The following NGEF variants were observed in gnomAD, a reference collection of about 807,000 sequenced individuals.
The protein encoded by NGEF is neuronal guanine nucleotide exchange factor, also known as ephexin-1.
A neutral mutation model predicts 80.9 loss-of-function variants in NGEF; 31 were observed. The ratio of observed to expected loss-of-function variants is 0.38; its 90% CI spans 0.29 to 0.52. NGEF has a LOEUF of 0.52. Among genes scored for constraint, NGEF ranks in the 20% least tolerant of loss-of-function variants. The pLI is 0.84. For missense variants in NGEF, 709 were observed against 926.2 expected (o/e 0.77, Z 3.04); for synonymous variants, 371 against 370.2 (o/e 1.00, Z -0.03).
chr2:233,001,884 G>T (rs1021911423), intron 1 of NGEF, among the ~76,000 whole-genome samples: 9 of 152,098 alleles, frequency 5.9e-5, no homozygotes, highest in Non-Finnish European at 1.5e-5. Context: ...TTGTGGTGGC[G>T]TGCACCTGTA....
chr2:232,943,631 G>A (rs999283394), intron 3 of NGEF, among the ~76,000 whole-genome samples: 10 of 151,186 alleles, frequency 6.6e-5, no homozygotes, highest in Non-Finnish European at 1.0e-4. Context: ...GAGTAGCTGG[G>A]ACTACAGGCG....
chr2:232,968,995 C>T (rs116717495), intron 3 of NGEF, among the ~76,000 whole-genome samples: 1,670 of 152,258 alleles, frequency 0.011, 34 homozygotes, highest in African/African-American at 0.038. Flanking sequence ...GTGAAGGAGC[C>T]GCGGTCACGA....
chr2:232,960,614 C>T (rs934855212), intron 3 of NGEF, among the ~76,000 whole-genome samples: 7 of 152,196 alleles, frequency 4.6e-5, no homozygotes, highest in Non-Finnish European at 7.3e-5. Flanking sequence ...AGCGGTGGCT[C>T]ATGCCTGTAA....
chr2:232,957,588 G>C (rs1003510883), intron 3 of NGEF, among the ~76,000 whole-genome samples: 1 of 152,202 alleles, frequency 6.6e-6, no homozygotes, highest in African/African-American at 2.4e-5. Context: ...CTCCCAAAGT[G>C]CTGGGATTAC....
chr2:232,886,166 T>C (rs13004071), intron 9 of NGEF, among the ~76,000 whole-genome samples: 1 of 74,792 alleles, frequency 1.3e-5, no homozygotes, highest in East Asian at 4.0e-4. Context: ...CGGTGTGTAC[T>C]GTGTGTGATA....
chr2:232,971,299 C>T (rs1214947891), intron 2 of NGEF, among the ~76,000 whole-genome samples: 7 of 152,118 alleles, frequency 4.6e-5, no homozygotes, highest in Admixed American at 1.3e-4. Context: ...AGGTCAAGCA[C>T]GACATTTTCT....
intron 5 of NGEF, among the ~76,000 whole-genome samples, chr2:232,904,025 G>A (rs1692430453): frequency 6.6e-6 from 1 of 152,124 alleles, no homozygotes; most frequent in African/African-American, 2.4e-5. Context: ...AAAAATTACA[G>A]TCCAGGCAAC....
chr2:232,942,837 C>T (rs993497672), intron 3 of NGEF, among the ~76,000 whole-genome samples: 6 of 148,438 alleles, frequency 4.0e-5, no homozygotes, highest in Admixed American at 3.4e-4. Context: ...GATGAGTGTA[C>T]CTTGAGCTCA....
chr2:232,967,078 G>C (rs1694075414), intron 3 of NGEF, among the ~76,000 whole-genome samples: 1 of 152,136 alleles, frequency 6.6e-6, no homozygotes, highest in Non-Finnish European at 1.5e-5. Context: ...GGTGGGAGGT[G>C]TTTGGATCAT....
intron 7 of NGEF, 76 bp from the exon 8 acceptor site, chr2:232,891,563 A>C: frequency 6.7e-7 from 1 of 1,495,332 alleles, no homozygotes; most frequent in South Asian, 1.3e-5. Flanking sequence ...CCCCATCCAC[A>C]GCCTCCCAGG....
intron 3 of NGEF, among the ~76,000 whole-genome samples, chr2:232,940,333 C>G (rs1693411580): frequency 6.6e-6 from 1 of 152,190 alleles, no homozygotes; most frequent in Non-Finnish European, 1.5e-5. Context: ...AATGAACAGC[C>G]AGTGGTCGCC....
intron 3 of NGEF, among the ~76,000 whole-genome samples, chr2:232,950,949 A>G (rs566333914): frequency 2.6e-5 from 4 of 152,356 alleles, no homozygotes; most frequent in East Asian, 1.9e-4. Flanking sequence ...TATTTATTCA[A>G]TGCGTGGCTA....
intron 1 of NGEF, among the ~76,000 whole-genome samples, chr2:232,976,833 C>G (rs1212484571): frequency 1.3e-5 from 2 of 152,220 alleles, no homozygotes; most frequent in East Asian, 3.9e-4. Flanking sequence ...CAATACCTGA[C>G]CCTTCTGGTC....
chr2:233,010,714 T>C (rs1695184883), intron 1 of NGEF, among the ~76,000 whole-genome samples: 1 of 152,070 alleles, frequency 6.6e-6, no homozygotes, highest in African/African-American at 2.4e-5. Context: ...CTCCAGCAAA[T>C]GGCCCCTCCT....
At chr2:232,947,430 A>C (rs1693582294) in intron 3 of NGEF, among the ~76,000 whole-genome samples, 1 of 152,142 alleles carries the variant, frequency 6.6e-6, no homozygotes, top group Admixed American at 6.5e-5. Context: ...TGAGGGAGGG[A>C]CCTGCAAACT....
chr2:232,966,868 C>T (rs751452941), intron 3 of NGEF, among the ~76,000 whole-genome samples: 26 of 151,902 alleles, frequency 1.7e-4, no homozygotes, highest in East Asian at 3.9e-4. Flanking sequence ...GGGGGGGAGG[C>T]GGGTGAGGAG....
intron 5 of NGEF, among the ~76,000 whole-genome samples, chr2:232,913,707 T>C (rs1381475465): frequency 6.6e-6 from 1 of 152,054 alleles, no homozygotes; most frequent in Non-Finnish European, 1.5e-5. Context: ...GATCACGAGA[T>C]CAGGAGATTG....
intron 5 of NGEF, among the ~76,000 whole-genome samples, chr2:232,905,442 C>T (rs545710628): frequency 6.6e-6 from 1 of 152,094 alleles, no homozygotes; most frequent in African/African-American, 2.4e-5. Context: ...GGCGTGATCT[C>T]GGCTCGCTAC....
chr2:232,927,056 T>C lies in NGEF; in HGVS notation c.514A>G (p.Ile172Val), dbSNP rs775361804. ...CGGAGACACCCACCTATTTGTTCAA[T>C]GAGGTTTCTCCAGGAGTCGGCGGGA... Reference protein sequence around the residue: ...PIPADSWRNLIEQIGLLYQEY... With the variant: ...PIPADSWRNLVEQIGLLYQEY... The change falls in exon 4 of 15, where the codon ATT becomes GTT. Residue 172 changes from isoleucine (I) to valine (V), a missense_variant. Transcript: ENST00000264051. 2 of 1,613,902 alleles carry C rather than the reference T, an allele frequency of 1.2e-6. No homozygotes were observed. Among genetic ancestry groups the C allele is most frequent in the Non-Finnish European group, 1.7e-6 (2 of 1,179,902 alleles).
Sources: gnomAD v4.1 joint callset for allele counts (sites outside exome capture counted in the v4.1 genomes callset) on GRCh38, gnomAD v4.1.1 for gene constraint, MANE v1.5 for transcripts, NCBI Gene and HGNC (gene_info 2026-07-23, HGNC 2026-07-21) for gene names.